Variants in LRP1B observed in about 807,000 individuals in gnomAD.
LRP1B encodes the protein LDL receptor related protein 1B, also known as low-density lipoprotein receptor-related protein 1B.
Under a neutral mutation model 556.6 loss-of-function variants are expected in LRP1B, and 217 were observed. The observed-to-expected ratio is 0.39, with a 90% CI of 0.35 to 0.44. LRP1B has a LOEUF of 0.44. Ranked by LOEUF, LRP1B falls within the 20% of genes least tolerant of loss-of-function variation. The probability of loss-of-function intolerance (pLI) is 1.00; values close to 1 mark genes in which losing one functional copy is unlikely to be tolerated. For missense variants in LRP1B, 5,053 were observed against 5,620.8 expected (o/e 0.90, Z 3.23); for synonymous variants, 2,047 against 1,865.8 (o/e 1.10, Z -2.50).
chr2:142,003,602 G>A (rs970635911), intron 1 of LRP1B, among the ~76,000 whole-genome samples: 3 of 152,124 alleles, frequency 2.0e-5, no homozygotes, highest in Admixed American at 6.6e-5. Flanking sequence ...ACTGAACTTC[G>A]GGAATGTGGC....
At chr2:141,344,834 T>C (rs1688188257) in intron 3 of LRP1B, among the ~76,000 whole-genome samples, 2 of 152,162 alleles carry the variant, frequency 1.3e-5, no homozygotes, top group Non-Finnish European at 2.9e-5. Flanking sequence ...AATTGGGAGC[T>C]TGAAGGATAT....
intron 41 of LRP1B, among the ~76,000 whole-genome samples, chr2:140,621,451 C>T (rs1683451693): frequency 6.7e-6 from 1 of 149,524 alleles, no homozygotes; most frequent in Admixed American, 6.8e-5. Flanking sequence ...GTAAAGGAAG[C>T]ACAGACAGAG....
At chr2:141,092,445 T>C (rs1239892727) in intron 7 of LRP1B, among the ~76,000 whole-genome samples, 1 of 152,208 alleles carries the variant, frequency 6.6e-6, no homozygotes, top group African/African-American at 2.4e-5. Context: ...ATAGAAATGT[T>C]GACTATATGT....
chr2:140,803,290 T>TTTTTTTTTTTTTTTTTTTTTTTTTTC (rs869303438), intron 32 of LRP1B, among the ~76,000 whole-genome samples: 1 of 115,262 alleles, frequency 8.7e-6, no homozygotes, highest in African/African-American at 3.5e-5. Context: ...TTTTTTTTTT[T>TTTTTTTTTTTTTTTTTTTTTTTTTTC]CCGAGATGGA....
chr2:141,239,987 G>C (rs1381480540), intron 5 of LRP1B, among the ~76,000 whole-genome samples: 1 of 151,974 alleles, frequency 6.6e-6, no homozygotes, highest in Non-Finnish European at 1.5e-5. Flanking sequence ...TACTTTATCA[G>C]CTATGTTCTT....
intron 37 of LRP1B, among the ~76,000 whole-genome samples, chr2:140,710,761 G>T (rs1404729671): frequency 6.6e-6 from 1 of 151,940 alleles, no homozygotes; most frequent in East Asian, 1.9e-4. Flanking sequence ...GAAGGCAAAT[G>T]GTATAAAACC....
intron 43 of LRP1B, among the ~76,000 whole-genome samples, chr2:140,582,535 G>A (rs1429177503): frequency 6.6e-6 from 1 of 152,196 alleles, no homozygotes; most frequent in Non-Finnish European, 1.5e-5. Flanking sequence ...AACCGTGAGG[G>A]AAGAGATCTC....
intron 3 of LRP1B, among the ~76,000 whole-genome samples, chr2:141,351,542 C>T (rs542157575): frequency 1.1e-4 from 17 of 152,072 alleles, no homozygotes; most frequent in African/African-American, 2.7e-4. Context: ...TTTTCCCTGA[C>T]GACCAGAATC....
intron 41 of LRP1B, among the ~76,000 whole-genome samples, chr2:140,664,858 G>T (rs1277790997): frequency 6.6e-6 from 1 of 151,888 alleles, no homozygotes; most frequent in African/African-American, 2.4e-5. Flanking sequence ...AAAAAATTCT[G>T]ATATCTGGAA....
chr2:140,882,644 C>T (rs1481073079), intron 25 of LRP1B, among the ~76,000 whole-genome samples: 1 of 152,118 alleles, frequency 6.6e-6, no homozygotes, highest in African/African-American at 2.4e-5. Flanking sequence ...GGTTTCTGCC[C>T]CTTTCATTTC....
intron 1 of LRP1B, among the ~76,000 whole-genome samples, chr2:141,960,226 A>G (rs1002965747): frequency 6.6e-6 from 1 of 151,824 alleles, no homozygotes; most frequent in African/African-American, 2.4e-5. Flanking sequence ...GGATCCAAAG[A>G]TGCTAATTGA....
intron 3 of LRP1B, among the ~76,000 whole-genome samples, chr2:141,443,168 C>A (rs950803917): frequency 2.6e-5 from 4 of 152,176 alleles, no homozygotes; most frequent in African/African-American, 9.7e-5. Flanking sequence ...ATTTGCATTT[C>A]TCTAATGACC....
chr2:140,970,904 C>A (rs957472260), intron 18 of LRP1B, among the ~76,000 whole-genome samples: 23 of 151,916 alleles, frequency 1.5e-4, no homozygotes, highest in Admixed American at 9.8e-4. Context: ...CCACACCCTG[C>A]TAATTTTTTG....
chr2:140,312,069 G>GAA (rs144718968), intron 83 of LRP1B, among the ~76,000 whole-genome samples: 5 of 151,536 alleles, frequency 3.3e-5, no homozygotes, highest in African/African-American at 1.2e-4. Context: ...ACTTCCGGGG[G>GAA]AAAAAAAATC....
chr2:140,483,199 A>C (rs898345461), intron 59 of LRP1B, among the ~76,000 whole-genome samples: 2 of 152,170 alleles, frequency 1.3e-5, no homozygotes, highest in Admixed American at 1.3e-4. Flanking sequence ...TCATAATCCA[A>C]ATATTATCCA....
intron 1 of LRP1B, among the ~76,000 whole-genome samples, chr2:141,994,293 T>C (rs1354447643): frequency 6.6e-6 from 1 of 152,150 alleles, no homozygotes; most frequent in Non-Finnish European, 1.5e-5. Flanking sequence ...TGGCCTTAGG[T>C]GCATTCTGAA....
intron 3 of LRP1B, among the ~76,000 whole-genome samples, chr2:141,406,192 C>T (rs746245527): frequency 4.6e-5 from 7 of 151,968 alleles, no homozygotes; most frequent in Admixed American, 1.3e-4. Flanking sequence ...CTGTGCAAAA[C>T]GTCTTTTATC....
rs545886142 is a variant in LRP1B at position 140,693,157 on chromosome 2, G to A, written c.6799+7093C>T. 3.8e-4 allele frequency among the ~76,000 whole-genome samples: 58 copies of A among 152,036 alleles called. 1 individual carries two copies. Among genetic ancestry groups the A allele is most frequent in the Admixed American group, 1.4e-3 (22 of 15,270 alleles). On this transcript the variant is annotated intron_variant, in intron 41 of 90. Transcript: ENST00000389484. ...TGTTTTTTATTGGTAATATCATATT[G>A]TGTTAATTACTTTCACTTTTTAATA... is the stretch of plus-strand genomic sequence containing the variant.
intron 66 of LRP1B, among the ~76,000 whole-genome samples, chr2:140,416,678 G>A (rs2105258096): frequency 6.6e-6 from 1 of 152,120 alleles, no homozygotes; most frequent in South Asian, 2.1e-4. Flanking sequence ...GTCAGTGAGT[G>A]GCAAGTAACA....
Sources: allele counts gnomAD v4.1 joint callset (sites outside exome capture counted in the v4.1 genomes callset), GRCh38; gene constraint gnomAD v4.1.1; transcripts MANE v1.5; gene names NCBI Gene and HGNC (gene_info 2026-07-23, HGNC 2026-07-21).